Variants in TMEM30A observed in about 807,000 individuals in gnomAD.
TMEM30A encodes the protein cell cycle control protein 50A.
TMEM30A carries 24 observed loss-of-function variants against 38.2 expected under a neutral mutation model. That is an observed-to-expected ratio of 0.63 (90% CI 0.46 to 0.88). The LOEUF (loss-of-function observed/expected upper bound fraction) is 0.88, where lower values mean the gene tolerates loss of function less well. TMEM30A is among the 40% of genes least tolerant of loss of function. The pLI, the probability that TMEM30A is intolerant of heterozygous loss-of-function variation, is 0.00. For synonymous variants in TMEM30A, 145 were observed against 161.6 expected (o/e 0.90, Z 0.78); for missense variants, 370 against 458.6 (o/e 0.81, Z 1.77).
chr6:75,261,054 A>G (rs1771956699), intron 3 of TMEM30A, 143 bp from the exon 4 acceptor site: 2 of 508,484 alleles, frequency 3.9e-6, no homozygotes, highest in African/African-American at 1.9e-5. Flanking sequence ...TAAGTAGGCT[A>G]TAGATAACAC....
chr6:75,284,521 C>T lies in TMEM30A; in HGVS notation c.118G>A (p.Ala40Thr), dbSNP rs201580258. Reference sequence around the variant, plus strand: ...CCAGCCGTAAGGATGGGCTGCCAAGCTGGCAGCCGTTGCTGTTTGAAGGCC... The same window carrying T: ...CCAGCCGTAAGGATGGGCTGCCAAGTTGGCAGCCGTTGCTGTTTGAAGGCC... The part of the protein sequence containing the change: ...NTAFKQQRLP[A>T]WQPILTAGTV... The change falls in exon 1 of 7, where the codon GCT becomes ACT. Residue 40 changes from alanine to threonine, a missense_variant. Transcript: ENST00000230461. 1 of 1,611,438 alleles carries T rather than the reference C, an allele frequency of 6.2e-7. No homozygotes were observed. The highest frequency in any genetic ancestry group is 1.3e-5 in the African/African-American group (1 of 74,948).
chr6:75,252,954 G>A lies in TMEM30A; in HGVS notation c.*3148C>T, dbSNP rs1428309498. ...TTTTAGACAAGATATTTATTTTGAA[G>A]TTCCAAATGACATTAGCAGAATTGT... On this transcript the variant is annotated 3_prime_UTR_variant, in exon 7 of 7. Coordinates refer to ENST00000230461, the MANE Select transcript of TMEM30A (RefSeq NM_018247.4). The A allele has an allele frequency of 6.6e-6, 1 of 152,090 alleles. No homozygotes were observed. The highest frequency in any genetic ancestry group is 2.4e-5 in the African/African-American group (1 of 41,414). 9.4% of individuals were successfully genotyped at this position (152,090 alleles called of 1,614,324 possible).
Position 75,284,460 on chromosome 6 carries a change from A to T in TMEM30A, c.179T>A (p.Ile60Asn). 2 of 1,614,072 alleles carry T rather than the reference A, an allele frequency of 1.2e-6. No homozygotes were observed. Among genetic ancestry groups the T allele is most frequent in the Non-Finnish European group, 1.7e-6 (2 of 1,179,978 alleles). The change falls in exon 1 of 7, where the codon ATC becomes AAC. Residue 60 changes from isoleucine (I) to asparagine (N), a missense_variant. Coordinates refer to ENST00000230461, the MANE Select transcript of TMEM30A (RefSeq NM_018247.4). ...AATGCCAATGCCGATGGGAATGAAG[A>T]TGAGACCGATGATGAAGAAAATAGG... ...VLPIFFIIGL[I>N]FIPIGIGIFV...
In TMEM30A at chr6:75,258,986, C is replaced by A. The variant is rs762622330; in HGVS notation, c.686G>T (p.Gly229Val). ...AAGCCAGTTCACAGGCTTTGTTGTA[C>A]CTTAAAAGGAGTGGGGAGGGGATAA... is the stretch of plus-strand genomic sequence containing the variant. The part of the protein sequence containing the change: ...GGDNLEERFK[G>V]TTKPVNWLKP... The change falls in exon 6 of 7, where the codon GGT becomes GTT. Residue 229 changes from glycine (G) to valine (V), a missense_variant and splice_region_variant. Transcript: ENST00000230461. 3 of 1,612,470 alleles carry A rather than the reference C, an allele frequency of 1.9e-6. No homozygotes were observed. Among genetic ancestry groups the A allele is most frequent in the Non-Finnish European group, 2.5e-6 (3 of 1,179,696 alleles).
At chr6:75,276,765 G>A (rs879856388) in intron 1 of TMEM30A, among the ~76,000 whole-genome samples, 1 of 152,192 alleles carries the variant, frequency 6.6e-6, no homozygotes, top group African/African-American at 2.4e-5. Flanking sequence ...ACTGAGCGGA[G>A]AAGCCAAAGT....
intron 1 of TMEM30A, among the ~76,000 whole-genome samples, chr6:75,282,074 G>A (rs1473151996): frequency 1.3e-5 from 2 of 152,132 alleles, no homozygotes; most frequent in Non-Finnish European, 2.9e-5. Flanking sequence ...AACACATCCT[G>A]CTTTTTTAAA....
intron 6 of TMEM30A, 88 bp downstream of exon 6, chr6:75,258,692 C>T: frequency 8.4e-7 from 1 of 1,184,106 alleles, no homozygotes; most frequent in Middle Eastern, 2.6e-4. Context: ...AACTAAAGCA[C>T]AAGGTAACAT....
chr6:75,275,816 C>T (rs907921891), intron 1 of TMEM30A, among the ~76,000 whole-genome samples: 8 of 152,114 alleles, frequency 5.3e-5, no homozygotes, highest in African/African-American at 1.9e-4. Flanking sequence ...TTTCCTGGTA[C>T]AGAGCTCCTA....
chr6:75,278,573 A>C (rs1772300866), intron 1 of TMEM30A, among the ~76,000 whole-genome samples: 1 of 152,184 alleles, frequency 6.6e-6, no homozygotes, highest in African/African-American at 2.4e-5. Flanking sequence ...CCAGTTCCTA[A>C]GAATGGCTGG....
intron 1 of TMEM30A, chr6:75,284,171 G>C (rs753166791): frequency 1.2e-5 from 7 of 590,168 alleles, no homozygotes; most frequent in Non-Finnish European, 2.1e-5. Flanking sequence ...AGCTCATTCC[G>C]TGGATTTGCT....
Position 75,275,610 on chromosome 6 carries a change from A to G in TMEM30A, c.238-7862T>C, listed in dbSNP as rs537188093. On this transcript the variant is annotated intron_variant, in intron 1 of 6. Transcript: ENST00000230461. ...TCTTCACTTTTCTCTTACACCCCAT[A>G]TATCAATTGCATGAGAAAATTCTTT... Among the ~76,000 whole-genome samples, 6 of 152,238 alleles carry G rather than the reference A, an allele frequency of 3.9e-5. No individual in the cohort carries two copies. The South Asian group carries it at 8.3e-4, about 21-fold the overall frequency.
chr6:75,274,226 A>G (rs955875042), intron 1 of TMEM30A, among the ~76,000 whole-genome samples: 1 of 152,242 alleles, frequency 6.6e-6, no homozygotes, highest in Non-Finnish European at 1.5e-5. Context: ...AGCATGTCAC[A>G]TTCCAGAAAC....
At chr6:75,257,477 T>C (rs1771885119) in intron 6 of TMEM30A, among the ~76,000 whole-genome samples, 1 of 152,214 alleles carries the variant, frequency 6.6e-6, no homozygotes, top group South Asian at 2.1e-4. Flanking sequence ...CTTCACAGAC[T>C]TCCCTTCATT....
chr6:75,270,790 G>A lies in TMEM30A; in HGVS notation c.238-3042C>T, dbSNP rs79668745. Among the ~76,000 whole-genome samples, 1,165 of 152,280 alleles carry A rather than the reference G, an allele frequency of 7.7e-3. 45 individuals carry two copies. In the East Asian group the frequency reaches 0.12, roughly 16 times the overall value. On this transcript the variant is annotated intron_variant, in intron 1 of 6. Transcript: ENST00000230461. The stretch of plus-strand genomic sequence containing the variant: ...CAAAACTTGGTTTTGTCAAATTCCA[G>A]TATAACCTCCTATAGAAACAGTTTT...
At chr6:75,260,765 T>C (rs1225153384) in intron 4 of TMEM30A, 59 bp downstream of exon 4, 1 of 1,079,672 alleles carries the variant, frequency 9.3e-7, no homozygotes, top group African/African-American at 1.6e-5. Flanking sequence ...ATCAAATCTG[T>C]AATGAAATTA....
intron 3 of TMEM30A, among the ~76,000 whole-genome samples, chr6:75,263,941 T>C (rs1772016676): frequency 6.6e-6 from 1 of 152,202 alleles, no homozygotes; most frequent in Non-Finnish European, 1.5e-5. Context: ...TTTCTGGGGT[T>C]TTGGAACACA....
chr6:75,271,449 A>G (rs1212327795), intron 1 of TMEM30A, among the ~76,000 whole-genome samples: 1 of 152,212 alleles, frequency 6.6e-6, no homozygotes, highest in African/African-American at 2.4e-5. Context: ...TTAAAAAATT[A>G]CATGTCTTTT....
Position 75,253,346 on chromosome 6 carries a change from C to T in TMEM30A, c.*2756G>A, listed in dbSNP as rs774935040. The T allele has an allele frequency of 6.6e-6, 1 of 152,144 alleles. No individual in the cohort carries two copies. The highest frequency in any genetic ancestry group is 6.6e-5 in the Admixed American group (1 of 15,260). 9.4% of individuals were successfully genotyped at this position (152,144 alleles called of 1,614,324 possible). A position where few individuals can be genotyped will look rare whatever the true frequency, so the allele number is the denominator to read the frequency against. Reference sequence around the variant, plus strand: ...TTACCTCTCTGTTTACTGGACATTCCCCTTGATCTAATACCAAACTTAGCC... The same window carrying T: ...TTACCTCTCTGTTTACTGGACATTCTCCTTGATCTAATACCAAACTTAGCC... On this transcript the variant is annotated 3_prime_UTR_variant, in exon 7 of 7. Coordinates refer to ENST00000230461, the MANE Select transcript of TMEM30A (RefSeq NM_018247.4).
intron 1 of TMEM30A, among the ~76,000 whole-genome samples, chr6:75,274,237 T>A (rs772441638): frequency 6.6e-6 from 1 of 152,178 alleles, no homozygotes; most frequent in Non-Finnish European, 1.5e-5. Context: ...TTCCAGAAAC[T>A]ATAGTAGTTT....
Sources: allele counts gnomAD v4.1 joint callset (sites outside exome capture counted in the v4.1 genomes callset), GRCh38; gene constraint gnomAD v4.1.1; transcripts MANE v1.5; gene names NCBI Gene and HGNC (gene_info 2026-07-23, HGNC 2026-07-21).